KCNN3: variants seen among roughly 807,000 people sequenced by gnomAD.
KCNN3 encodes the protein potassium calcium-activated channel subfamily N member 3.
A neutral mutation model predicts 62.9 loss-of-function variants in KCNN3; 16 were observed. The ratio of observed to expected loss-of-function variants is 0.25; its 90% CI spans 0.17 to 0.39. The LOEUF is 0.39. Ranked by LOEUF, KCNN3 falls within the 10% of genes least tolerant of loss-of-function variation. KCNN3 has a pLI of 1.00. For synonymous variants in KCNN3, 370 were observed against 389.2 expected (o/e 0.95, Z 0.58); for missense variants, 599 against 949.4 (o/e 0.63, Z 4.85).
intron 3 of KCNN3, among the ~76,000 whole-genome samples, chr1:154,764,177 C>T (rs1342919824): frequency 6.6e-6 from 1 of 152,176 alleles, no homozygotes; most frequent in Non-Finnish European, 1.5e-5. Context: ...AGGAGGTAAA[C>T]ACAATTATGT....
rs143413284 is a variant in KCNN3 at position 154,822,926 on chromosome 1, G to C, written c.934-742C>G. On this transcript the variant is annotated intron_variant, in intron 1 of 7. Transcript: ENST00000271915. ...AGTGTGGTTAAGGGCATGACCTCCG[G>C]GGCCAGACTGCTGGGTCCCAGCCCT... 1.7e-3 allele frequency among the ~76,000 whole-genome samples: 254 copies of C among 152,316 alleles called. 3 individuals carry two copies. The highest frequency in any genetic ancestry group is 5.7e-3 in the African/African-American group (237 of 41,558).
rs1491389702 is a variant in KCNN3 at position 154,766,417 on chromosome 1, T to TAA, written c.1448+5557_1448+5558insTT. 6.3e-3 allele frequency among the ~76,000 whole-genome samples: 66 copies of TAA among 10,468 alleles called. 7 individuals carry two copies. The highest frequency in any genetic ancestry group is 0.019 in the Admixed American group (14 of 750). 6.9% of individuals were successfully genotyped at this position (10,468 alleles called of 152,430 possible). Reference sequence around the variant, plus strand: ...CATTTATTAAATACTAGCCAGGCTTTATATATATATATATATATATATATA... The same window carrying TAA: ...CATTTATTAAATACTAGCCAGGCTTTAAATATATATATATATATATATATATA... On this transcript the variant is annotated intron_variant, in intron 3 of 7. Coordinates refer to ENST00000271915, the MANE Select transcript of KCNN3 (RefSeq NM_002249.6).
At chr1:154,732,910 C>T in intron 4 of KCNN3, 93 bp downstream of exon 4, 1 of 1,441,902 alleles carries the variant, frequency 6.9e-7, no homozygotes, top group African/African-American at 1.4e-5. Context: ...ACCCCCCGCT[C>T]TGCGGCTAGG....
intron 2 of KCNN3, among the ~76,000 whole-genome samples, chr1:154,795,510 T>C (rs986844891): frequency 2.0e-5 from 3 of 152,178 alleles, no homozygotes; most frequent in South Asian, 2.1e-4. Context: ...TTCACTGCTG[T>C]GCCACACATT....
chr1:154,828,419 C>CA (rs1651230643), intron 1 of KCNN3, among the ~76,000 whole-genome samples: 1 of 151,948 alleles, frequency 6.6e-6, no homozygotes. Context: ...AACGGTCAGC[C>CA]ACAAAACCCA....
At chr1:154,841,555 A>G (rs919545947) in intron 1 of KCNN3, among the ~76,000 whole-genome samples, 2 of 151,380 alleles carry the variant, frequency 1.3e-5, no homozygotes, top group Non-Finnish European at 2.9e-5. Flanking sequence ...ATTGAAACTC[A>G]GAGAGGTTAA....
chr1:154,755,590 AGGGAGGGAGGGAGG>A (rs1459654763), intron 3 of KCNN3, among the ~76,000 whole-genome samples: 7 of 73,822 alleles, frequency 9.5e-5, no homozygotes, highest in Admixed American at 3.6e-4. Context: ...GAAAGAAAGA[AGGGAGGGAGGGAGG>A]GGGAGGGAGG....
intron 4 of KCNN3, among the ~76,000 whole-genome samples, chr1:154,726,703 G>A (rs1700473192): frequency 6.6e-6 from 1 of 152,204 alleles, no homozygotes; most frequent in African/African-American, 2.4e-5. Context: ...GCCTTCACCA[G>A]GAGGCTCATG....
chr1:154,700,201 C>T lies in KCNN3; in HGVS notation c.*7775G>A, dbSNP rs1356224122. 2 of 152,196 alleles carry T rather than the reference C, an allele frequency of 1.3e-5. No individual in the cohort carries two copies. Among genetic ancestry groups the T allele is most frequent in the Non-Finnish European group, 2.9e-5 (2 of 68,038 alleles). The allele number at this position is 152,196 out of a possible 1,614,324, so 9.4% of individuals were successfully genotyped here. Reference sequence around the variant, plus strand: ...CCAGTGCTTATCAATATTTCTGGTGCATACAGGTCACCTGGGGATTTGTTA... The same window carrying T: ...CCAGTGCTTATCAATATTTCTGGTGTATACAGGTCACCTGGGGATTTGTTA... On this transcript the variant is annotated 3_prime_UTR_variant, in exon 8 of 8. Coordinates refer to ENST00000271915, the MANE Select transcript of KCNN3 (RefSeq NM_002249.6).
chr1:154,809,382 G>C lies in KCNN3; in HGVS notation c.1029+12707C>G, dbSNP rs758706034. ...AATAAACACGTGTTCTATGAATGCA[G>C]AGCAGGCTTATTTGGGGGCTGGGGT... is the stretch of plus-strand genomic sequence containing the variant. On this transcript the variant is annotated intron_variant, in intron 2 of 7. Coordinates refer to ENST00000271915, the MANE Select transcript of KCNN3 (RefSeq NM_002249.6). The surrounding 1 kb of genome is among the most constrained non-coding windows in gnomAD (Gnocchi z 4.3). 2.0e-5 allele frequency among the ~76,000 whole-genome samples: 3 copies of C among 152,190 alleles called. No individual in the cohort carries two copies. The highest frequency in any genetic ancestry group is 4.4e-5 in the Non-Finnish European group (3 of 68,046).
At chr1:154,727,376 G>A (rs1290673231) in intron 4 of KCNN3, among the ~76,000 whole-genome samples, 1 of 152,172 alleles carries the variant, frequency 6.6e-6, no homozygotes, top group Admixed American at 6.5e-5. Context: ...TTTTTCAAAG[G>A]TACTATAATC....
intron 3 of KCNN3, among the ~76,000 whole-genome samples, chr1:154,753,998 G>A (rs1435151258): frequency 6.6e-6 from 1 of 152,222 alleles, no homozygotes; most frequent in African/African-American, 2.4e-5. Flanking sequence ...GGGGCCATGT[G>A]CTGTCCCTTC....
At chr1:154,730,999 C>T (rs890311626) in intron 4 of KCNN3, among the ~76,000 whole-genome samples, 11 of 152,126 alleles carry the variant, frequency 7.2e-5, no homozygotes, top group African/African-American at 2.4e-4. Flanking sequence ...AACCAGGAAG[C>T]CAGGTCTTTG....
chr1:154,714,847 T>G (rs1557938824), intron 6 of KCNN3, 29 bp downstream of exon 6: 1 of 1,612,768 alleles, frequency 6.2e-7, no homozygotes, highest in South Asian at 1.1e-5. Context: ...TCTGGTCATC[T>G]GATGGCTGAA....
At chr1:154,826,995 G>A (rs1651163516) in intron 1 of KCNN3, among the ~76,000 whole-genome samples, 1 of 152,184 alleles carries the variant, frequency 6.6e-6, no homozygotes, top group South Asian at 2.1e-4. Context: ...ATACACATAT[G>A]TGGTCCATTC....
chr1:154,757,602 C>T (rs80046922), intron 3 of KCNN3, among the ~76,000 whole-genome samples: 2,173 of 152,260 alleles, frequency 0.014, 23 homozygotes, highest in Admixed American at 0.022. Flanking sequence ...GAGCCCTTTG[C>T]CCTAAGAATA....
chr1:154,710,280 G>T (rs1480364612), intron 7 of KCNN3, among the ~76,000 whole-genome samples: 1 of 152,178 alleles, frequency 6.6e-6, no homozygotes, highest in Non-Finnish European at 1.5e-5. Flanking sequence ...AGAACACAGC[G>T]TTATTGTCTC....
In KCNN3 at chr1:154,859,671, G is replaced by A. The variant is rs752550567; in HGVS notation, c.933+9361C>T. ...ATCTGCTTCCTCCTCCCTACCTACT[G>A]GGTAACCTGGGCAGGGCACCCACCT... On this transcript the variant is annotated intron_variant, in intron 1 of 7. Transcript: ENST00000271915. 3 of 1,611,652 alleles carry A rather than the reference G, an allele frequency of 1.9e-6. No individual in the cohort carries two copies. In the South Asian group the frequency reaches 3.3e-5, roughly 18 times the overall value.
Position 154,869,157 on chromosome 1 carries a change from G to A in KCNN3, c.808C>T (p.Leu270=). ...TCAAACAGGGCCCTCCTGTGTCCCAGCTTATAGCCAATGTTTTGGTTTTTC... is the reference window on the plus strand; with the variant it reads ...TCAAACAGGGCCCTCCTGTGTCCCAACTTATAGCCAATGTTTTGGTTTTTC... ...KRKNQNIGYK[L]GHRRALFEKR... Residue 270 remains leucine, a synonymous_variant, in exon 1 of 8, where the codon CTG becomes TTG. Transcript: ENST00000271915. The surrounding 1 kb of genome is among the most constrained non-coding windows in gnomAD (Gnocchi z 6.1). 1 of 1,614,128 alleles carries A rather than the reference G, an allele frequency of 6.2e-7. No individual in the cohort carries two copies. Among genetic ancestry groups the A allele is most frequent in the Non-Finnish European group, 8.5e-7 (1 of 1,180,024 alleles).
Sources: gnomAD v4.1 joint callset for allele counts (sites outside exome capture counted in the v4.1 genomes callset) on GRCh38, gnomAD v4.1.1 for gene constraint, Gnocchi (gnomAD v3.1) non-coding constraint, MANE v1.5 for transcripts, NCBI Gene and HGNC (gene_info 2026-07-23, HGNC 2026-07-21) for gene names.